ANO1: variants seen among roughly 807,000 people sequenced by gnomAD.
ANO1 encodes anoctamin-1.
A neutral mutation model predicts 124.0 loss-of-function variants in ANO1; 59 were observed. That is an observed-to-expected ratio of 0.48 (90% CI 0.39 to 0.59). The LOEUF (loss-of-function observed/expected upper bound fraction) is 0.59, where lower values mean the gene tolerates loss of function less well. Among genes scored for constraint, ANO1 ranks in the 20% least tolerant of loss-of-function variants. The pLI is 0.00. For synonymous variants in ANO1, 529 were observed against 532.0 expected, an observed-to-expected ratio of 0.99 and a Z score of 0.08; for missense variants, 1,059 against 1,328.0, an observed-to-expected ratio of 0.80 and a Z score of 3.15.
At position 70,125,737 on chromosome 11, in the gene ANO1, G is replaced by A. The variant is rs1216555839; in HGVS notation, c.963-324G>A. 2.6e-3 allele frequency among the ~76,000 whole-genome samples: 378 copies of A among 146,720 alleles called. 1 individual carries two copies. Among genetic ancestry groups the A allele is most frequent in the African/African-American group, 8.7e-3 (344 of 39,698 alleles). ...CGGGCTCCTGTAGTCCCAGCTACTCGGGAGGCTGAGGCAGGAGAATGGCGT... is the reference window on the plus strand; with the variant it reads ...CGGGCTCCTGTAGTCCCAGCTACTCAGGAGGCTGAGGCAGGAGAATGGCGT... On this transcript the variant is annotated intron_variant, in intron 9 of 25. Transcript: ENST00000355303.
chr11:70,153,433 G>A (rs1341618203), intron 14 of ANO1, among the ~76,000 whole-genome samples: 1 of 152,234 alleles, frequency 6.6e-6, no homozygotes, highest in Admixed American at 6.5e-5. Flanking sequence ...TATCCTGAGG[G>A]TGATCTCAAG....
chr11:70,134,088 C>A lies in ANO1; in HGVS notation c.1258+2009C>A, dbSNP rs1442333234. The stretch of plus-strand genomic sequence containing the variant: ...CACCCTGGAATCTTATTGGGCAGCT[C>A]CGTGTCCTTAGCAGAGTTCCCTCCA... On this transcript the variant is annotated intron_variant, in intron 11 of 25. Transcript: ENST00000355303. Among the ~76,000 whole-genome samples the A allele has an allele frequency of 2.6e-5, 4 of 152,198 alleles. No individual in the cohort carries two copies. In the East Asian group the frequency reaches 7.7e-4, roughly 29 times the overall value.
chr11:69,993,879 C>A (rs1856205105), intron 1 of ANO1, among the ~76,000 whole-genome samples: 1 of 152,246 alleles, frequency 6.6e-6, no homozygotes, highest in African/African-American at 2.4e-5. Flanking sequence ...ATCCCCTCTT[C>A]CCTGCTCCTG....
In ANO1 at chr11:70,001,665, G is replaced by A. The variant is rs184522295; in HGVS notation, c.58+15499G>A. On this transcript the variant is annotated intron_variant, in intron 1 of 27. Coordinates refer to the ANO1 transcript ENST00000531349. ...AACCAGAAGAGTGCCCTGAGGGAAA[G>A]GAAGGTGCTGCCAGGTGCTGGGTGC... Among the ~76,000 whole-genome samples, 37 of 152,340 alleles carry A rather than the reference G, an allele frequency of 2.4e-4. No individual in the cohort carries two copies. In the East Asian group the frequency reaches 6.9e-3, roughly 29 times the overall value.
At chr11:70,080,127 C>T (rs1021035370) in intron 1 of ANO1, among the ~76,000 whole-genome samples, 3 of 152,238 alleles carry the variant, frequency 2.0e-5, no homozygotes, top group Non-Finnish European at 4.4e-5. Flanking sequence ...GAACGTTACC[C>T]GTTATCCACG....
Position 70,078,634 on chromosome 11 carries a change from C to A in ANO1, c.28C>A (p.Leu10Ile). The A allele has an allele frequency of 1.3e-6, 2 of 1,500,958 alleles. No individual in the cohort carries two copies. Among genetic ancestry groups the A allele is most frequent in the Non-Finnish European group, 1.8e-6 (2 of 1,115,544 alleles). The allele number at this position is 1,500,958 out of a possible 1,614,324, so 93.0% of individuals were successfully genotyped here. A position where few individuals can be genotyped will look rare whatever the true frequency, so the allele number is the denominator to read the frequency against. The change falls in exon 1 of 26, where the codon CTC (leucine) becomes ATC (isoleucine). Residue 10 changes from leucine (L) to isoleucine (I), a missense_variant. Leu to Ile is a conservative substitution (Grantham distance 5). Around this residue, in one of 2 missense-constraint regions of ANO1, gnomAD observed 250 missense variants for 233.1 expected, o/e 1.07. Coordinates refer to ENST00000355303, the MANE Select transcript of ANO1 (RefSeq NM_018043.7). Reference protein sequence around the residue: MRVNEKYSTLPAEDRSVHII... With the variant: MRVNEKYSTIPAEDRSVHII... ...GAGGGTCAACGAGAAGTACTCGACGCTCCCGGCCGAGGACCGCAGCGTCCA... is the reference window on the plus strand; with the variant it reads ...GAGGGTCAACGAGAAGTACTCGACGATCCCGGCCGAGGACCGCAGCGTCCA...
At chr11:70,013,767 A>C (rs958785046) in intron 1 of ANO1, among the ~76,000 whole-genome samples, 1 of 147,256 alleles carries the variant, frequency 6.8e-6, no homozygotes, top group Non-Finnish European at 1.5e-5. Context: ...GCGCCACTGC[A>C]CTCCAGCCTG....
intron 20 of ANO1, among the ~76,000 whole-genome samples, chr11:70,166,734 C>A (rs2048269144): frequency 6.6e-6 from 1 of 152,216 alleles, no homozygotes; most frequent in Non-Finnish European, 1.5e-5. Flanking sequence ...CCGTTTCCTT[C>A]TGTAGCCAGC....
chr11:70,075,208 T>C (rs2135150772), upstream of ANO1: 1 of 152,300 alleles, frequency 6.6e-6, no homozygotes, highest in Middle Eastern at 3.4e-3. Context: ...TATTCTTCCC[T>C]GTGGGCAATG....
chr11:70,139,051 C>T (rs968228372), intron 11 of ANO1, among the ~76,000 whole-genome samples: 2 of 152,222 alleles, frequency 1.3e-5, no homozygotes, highest in African/African-American at 4.8e-5. Flanking sequence ...TCTGTTCCTG[C>T]ATTCGTTTAG....
intron 12 of ANO1, among the ~76,000 whole-genome samples, chr11:70,150,058 T>C (rs1457981675): frequency 1.3e-5 from 2 of 152,174 alleles, no homozygotes; most frequent in African/African-American, 4.8e-5. Flanking sequence ...GCCACCAGCG[T>C]GGTCTCAGGC....
chr11:70,180,174 CAGGCTGCCCGGATTCTCTAGTTAT>C, intron 23 of ANO1, 118 bp downstream of exon 23: 1 of 944,084 alleles, frequency 1.1e-6, no homozygotes, highest in Non-Finnish European at 1.7e-6. Flanking sequence ...GGTGCAGCCC[CAGGCTGCCCGGATTCTCTAGTTAT>C]AAATGTCCCT....
chr11:70,163,269 C>T lies in ANO1; in HGVS notation c.1893-14C>T, dbSNP rs765578890. ...GGCTCATCTTTTCTCTAACGACCTC[C>T]CCCATCGTTTCAGGTTTGTTGGACG... On this transcript the variant is annotated splice_polypyrimidine_tract_variant and intron_variant, in intron 18 of 25. Transcript: ENST00000355303. The T allele has an allele frequency of 6.2e-7, 1 of 1,612,712 alleles. No individual in the cohort carries two copies. Among genetic ancestry groups the T allele is most frequent in the Admixed American group, 1.7e-5 (1 of 59,978 alleles).
intron 1 of ANO1, among the ~76,000 whole-genome samples, chr11:70,006,136 T>C (rs1554999993): frequency 6.6e-6 from 1 of 152,206 alleles, no homozygotes; most frequent in Non-Finnish European, 1.5e-5. Context: ...AGCTGTCTTA[T>C]GTGCCATCTC....
chr11:69,982,635 C>A (rs1485053515), upstream of ANO1, among the ~76,000 whole-genome samples: 2 of 152,324 alleles, frequency 1.3e-5, no homozygotes, highest in South Asian at 2.1e-4. Context: ...TACAGATGCA[C>A]AAACCCGGGT....
Position 70,025,663 on chromosome 11 carries a change from CAAT to C in ANO1, c.58+39501_58+39503del, listed in dbSNP as rs542900741. Among the ~76,000 whole-genome samples the C allele has an allele frequency of 8.2e-3, 789 of 96,214 alleles. 7 individuals are homozygous for C. The highest frequency in any genetic ancestry group is 0.011 in the Non-Finnish European group (519 of 46,228). The allele number at this position is 96,214 out of a possible 152,430, so 63.1% of individuals were successfully genotyped here. On this transcript the variant is annotated intron_variant, in intron 1 of 27. Coordinates refer to the ANO1 transcript ENST00000531349. ...GTGGTGGTGGTGATTGTGATGATGA[CAAT>C]AATGATGGTGGTGGTGGTGACGATG...
rs116055327 is a variant in ANO1 at position 70,034,592 on chromosome 11, G to C, written c.59-43950G>C. ...GTCCACCTGCCCTGGCATTTATTTT[G>C]CTGTTGTAGCCGCAAGCTTGGATGG... On this transcript the variant is annotated intron_variant, in intron 1 of 27. Coordinates refer to the ANO1 transcript ENST00000531349. Among the ~76,000 whole-genome samples the C allele has an allele frequency of 7.7e-3, 1,179 of 152,302 alleles. 13 individuals are homozygous for C. Among genetic ancestry groups the C allele is most frequent in the African/African-American group, 0.026 (1,093 of 41,548 alleles).
chr11:70,062,224 G>A (rs568330965), intron 1 of ANO1, among the ~76,000 whole-genome samples: 11 of 151,864 alleles, frequency 7.2e-5, no homozygotes, highest in South Asian at 2.1e-4. Flanking sequence ...TTACAGACGC[G>A]TACCACCACA....
chr11:70,163,198 C>A, intron 18 of ANO1, 85 bp from the exon 19 acceptor site: 1 of 1,439,430 alleles, frequency 6.9e-7, no homozygotes, highest in South Asian at 1.3e-5. Context: ...AGGACTCACA[C>A]GCTGCACAGT....
Sources: allele counts gnomAD v4.1 joint callset (sites outside exome capture counted in the v4.1 genomes callset), GRCh38; gene constraint gnomAD v4.1.1; regional missense constraint gnomAD v4.1.1; transcripts MANE v1.5; gene names NCBI Gene and HGNC (gene_info 2026-07-23, HGNC 2026-07-21).